Variants in SNAP91 observed in about 807,000 individuals in gnomAD.
SNAP91 encodes clathrin coat assembly protein AP180.
In SNAP91, 27 loss-of-function variants were observed where a neutral mutation model predicts 100.3. The observed-to-expected ratio is 0.27, with a 90% CI of 0.20 to 0.37. The LOEUF (loss-of-function observed/expected upper bound fraction) is 0.37. SNAP91 is among the 10% of genes least tolerant of loss of function. The pLI is 1.00. For synonymous variants in SNAP91, 404 were observed against 398.6 expected (o/e 1.01, Z -0.16); for missense variants, 986 against 1,123.7 (o/e 0.88, Z 1.75).
intron 24 of SNAP91, among the ~76,000 whole-genome samples, chr6:83,579,271 T>C (rs1052873833): frequency 2.0e-5 from 3 of 152,218 alleles, no homozygotes; most frequent in Admixed American, 2.0e-4. Flanking sequence ...CTGAGGGCTG[T>C]GTGTTGGTGG....
chr6:83,614,526 C>A (rs1315222537), intron 11 of SNAP91, among the ~76,000 whole-genome samples: 1 of 152,036 alleles, frequency 6.6e-6, no homozygotes. Flanking sequence ...TGTCTTTTCG[C>A]ATTTATGCTA....
At chr6:83,596,050 T>C (rs117770857) in intron 16 of SNAP91, among the ~76,000 whole-genome samples, 3,529 of 152,300 alleles carry the variant, frequency 0.023, 69 homozygotes, top group Non-Finnish European at 0.037. Flanking sequence ...TGAGGAAATA[T>C]ATGTTCAATT....
chr6:83,639,177 C>T lies in SNAP91; in HGVS notation c.765+1919G>A, dbSNP rs141070777. 3.0e-3 allele frequency among the ~76,000 whole-genome samples: 450 copies of T among 152,216 alleles called. 2 individuals carry two copies. Among genetic ancestry groups the T allele is most frequent in the African/African-American group, 0.01 (431 of 41,544 alleles). On this transcript the variant is annotated intron_variant, in intron 8 of 29. Transcript: ENST00000369694. ...TCATATTCTAGAAGTCTTCCTGAGA[C>T]TCTTCAGGTAAATGTTACTAACTAT...
intron 2 of SNAP91, among the ~76,000 whole-genome samples, chr6:83,682,567 A>AT (rs913026499): frequency 1.3e-5 from 2 of 151,500 alleles, no homozygotes; most frequent in Non-Finnish European, 2.9e-5. Flanking sequence ...CTAAGTATAT[A>AT]TTTTTTTAAA....
At chr6:83,584,930 G>A (rs777034806) in intron 22 of SNAP91, among the ~76,000 whole-genome samples, 8 of 152,076 alleles carry the variant, frequency 5.3e-5, no homozygotes, top group East Asian at 1.9e-4. Context: ...TAAAATTGTC[G>A]AGATCTGGCA....
rs2098197902 is a variant in SNAP91, at chr6:83,651,403, ACTG to A, written c.658+5348_658+5350del. Among the ~76,000 whole-genome samples, 4 of 152,166 alleles carry A rather than the reference ACTG, an allele frequency of 2.6e-5. No individual in the cohort carries two copies. The South Asian group carries it at 8.3e-4, about 31-fold the overall frequency. On this transcript the variant is annotated intron_variant, in intron 7 of 29. Transcript: ENST00000369694. ...TGATACTACAAATTTCCGTATAAGC[ACTG>A]CTTTCAATGCATCCTATACATTTTG...
chr6:83,672,955 T>C (rs1198888969), intron 2 of SNAP91, among the ~76,000 whole-genome samples: 2 of 152,106 alleles, frequency 1.3e-5, no homozygotes, highest in Non-Finnish European at 2.9e-5. Context: ...GAATAAAAAC[T>C]GGTCATTCTT....
intron 24 of SNAP91, among the ~76,000 whole-genome samples, chr6:83,577,664 G>T (rs1460714875): frequency 6.6e-6 from 1 of 152,090 alleles, no homozygotes; most frequent in Admixed American, 6.6e-5. Context: ...CTGTGATTGG[G>T]CAAGACTGCA....
intron 8 of SNAP91, among the ~76,000 whole-genome samples, chr6:83,632,163 C>G (rs939457381): frequency 6.6e-6 from 1 of 152,028 alleles, no homozygotes; most frequent in African/African-American, 2.4e-5. Context: ...TTTGAGGAGG[C>G]TGAAGATAGG....
intron 8 of SNAP91, among the ~76,000 whole-genome samples, chr6:83,629,059 T>C (rs1053681287): frequency 6.6e-6 from 1 of 152,164 alleles, no homozygotes; most frequent in African/African-American, 2.4e-5. Flanking sequence ...GAGGTGAGGA[T>C]CCAGTTTTAT....
In SNAP91 at chr6:83,623,194, C is replaced by T. The variant is rs951537936; in HGVS notation, c.807+107G>A. 4 of 826,226 alleles carry T rather than the reference C, an allele frequency of 4.8e-6. No individual in the cohort carries two copies. In the African/African-American group the frequency reaches 5.1e-5, roughly 11 times the overall value. 51.2% of individuals were successfully genotyped at this position (826,226 alleles called of 1,614,324 possible). A position where few individuals can be genotyped will look rare whatever the true frequency, so the allele number is the denominator to read the frequency against. On this transcript the variant is annotated intron_variant, in intron 9 of 29. Coordinates refer to ENST00000369694, the MANE Select transcript of SNAP91 (RefSeq NM_001242792.2). The stretch of plus-strand genomic sequence containing the variant: ...AATAATTTCCAAGAAAGTTGGTTGG[C>T]CTAAGTTCAAAATGCATGAAATGCT...
intron 8 of SNAP91, among the ~76,000 whole-genome samples, chr6:83,623,579 C>A (rs1465376249): frequency 2.0e-5 from 3 of 151,866 alleles, no homozygotes; most frequent in African/African-American, 7.3e-5. Context: ...TACTAGAATC[C>A]AAAAACAAAT....
intron 2 of SNAP91, among the ~76,000 whole-genome samples, chr6:83,684,117 A>G (rs1015410899): frequency 6.6e-6 from 1 of 152,216 alleles, no homozygotes; most frequent in Non-Finnish European, 1.5e-5. Flanking sequence ...GAATAGTTTC[A>G]TACAATCTAG....
At chr6:83,649,934 T>C (rs2098125640) in intron 7 of SNAP91, among the ~76,000 whole-genome samples, 1 of 152,184 alleles carries the variant, frequency 6.6e-6, no homozygotes, top group African/African-American at 2.4e-5. Context: ...TTTGTAGGTA[T>C]ATTTTGAACA....
intron 2 of SNAP91, among the ~76,000 whole-genome samples, chr6:83,701,705 C>A (rs1268246670): frequency 2.0e-5 from 3 of 152,162 alleles, no homozygotes. Flanking sequence ...GCCTTGGACT[C>A]CCAAAGTGCT....
chr6:83,554,784 C>A (rs1368300203), intron 29 of SNAP91, among the ~76,000 whole-genome samples: 1 of 152,168 alleles, frequency 6.6e-6, no homozygotes, highest in South Asian at 2.1e-4. Context: ...TTTCCTCAGC[C>A]ACTTCCCACT....
intron 2 of SNAP91, among the ~76,000 whole-genome samples, chr6:83,666,918 G>A (rs1343943457): frequency 6.6e-6 from 1 of 152,040 alleles, no homozygotes; most frequent in Non-Finnish European, 1.5e-5. Context: ...CAGAATAGAT[G>A]TATATTTGTC....
At chr6:83,708,327 C>A in intron 1 of SNAP91, 1 of 174,492 alleles carries the variant, frequency 5.7e-6, no homozygotes. Flanking sequence ...TGGGGTTATT[C>A]CCTGGGCGCC....
chr6:83,603,150 G>C (rs531167208), intron 14 of SNAP91, among the ~76,000 whole-genome samples: 1 of 152,230 alleles, frequency 6.6e-6, no homozygotes, highest in East Asian at 1.9e-4. Context: ...TGTAACTTGA[G>C]AGCTATCTTA....
Sources: gnomAD v4.1 joint callset for allele counts (sites outside exome capture counted in the v4.1 genomes callset) on GRCh38, gnomAD v4.1.1 for gene constraint, MANE v1.5 for transcripts, NCBI Gene and HGNC (gene_info 2026-07-23, HGNC 2026-07-21) for gene names.